The following THSD4 variants were observed in gnomAD, a reference collection of about 807,000 sequenced individuals.
The protein encoded by THSD4 is thrombospondin type 1 domain containing 4, also known as thrombospondin type-1 domain-containing protein 4.
Under a neutral mutation model 119.0 loss-of-function variants are expected in THSD4, and 69 were observed. The observed-to-expected ratio is 0.58, with a 90% CI of 0.48 to 0.71. THSD4 has a LOEUF of 0.71. Ranked by LOEUF, THSD4 falls within the 30% of genes least tolerant of loss-of-function variation. THSD4 has a pLI of 0.00. For missense variants in THSD4, 1,393 were observed against 1,391.1 expected, an observed-to-expected ratio of 1.00 and a Z score of -0.02; for synonymous variants, 524 against 540.4, an observed-to-expected ratio of 0.97 and a Z score of 0.42.
At chr15:71,705,645 A>AG (rs1487310856) in intron 8 of THSD4, among the ~76,000 whole-genome samples, 1 of 152,204 alleles carries the variant, frequency 6.6e-6, no homozygotes, top group African/African-American at 2.4e-5. Flanking sequence ...GCCCTGTGTC[A>AG]GGACAGCAGC....
rs565671502 is a variant in THSD4 at position 71,661,428 on chromosome 15, C to G, written c.1357+694C>G. ...TTTTTTTTTTTGAGACAGAATCTTG[C>G]CCTGTCACCCAGGTTCGAGTGCAGT... On this transcript the variant is annotated intron_variant, in intron 8 of 17. Transcript: ENST00000261862. Among the ~76,000 whole-genome samples, 3 of 151,096 alleles carry G rather than the reference C, an allele frequency of 2.0e-5. No homozygotes were observed. The South Asian group carries it at 6.3e-4, about 32-fold the overall frequency.
At chr15:71,410,351 TGA>T (rs1176252512) in intron 6 of THSD4, among the ~76,000 whole-genome samples, 1 of 152,076 alleles carries the variant, frequency 6.6e-6, no homozygotes, top group Non-Finnish European at 1.5e-5. Flanking sequence ...CACATCAACC[TGA>T]GAGGGGGCAG....
intron 1 of THSD4, among the ~76,000 whole-genome samples, chr15:71,123,971 C>G (rs190643963): frequency 6.6e-6 from 1 of 152,338 alleles, no homozygotes; most frequent in Non-Finnish European, 1.5e-5. Flanking sequence ...AGTGGGCTCA[C>G]TCATAAATTA....
At chr15:71,199,536 T>G (rs552443580) in intron 3 of THSD4, among the ~76,000 whole-genome samples, 85 of 94,062 alleles carry the variant, frequency 9.0e-4, no homozygotes, top group African/African-American at 3.8e-3. Context: ...GGGTGTGTGG[T>G]GTGTGTATGT....
At chr15:71,104,386 A>G (rs975298886) in intron 1 of THSD4, among the ~76,000 whole-genome samples, 2 of 152,148 alleles carry the variant, frequency 1.3e-5, no homozygotes, top group Non-Finnish European at 2.9e-5. Flanking sequence ...AAGTTCTCCA[A>G]TTCTGCTCCC....
intron 7 of THSD4, among the ~76,000 whole-genome samples, chr15:71,639,388 C>T (rs917992235): frequency 1.3e-5 from 2 of 152,114 alleles, no homozygotes; most frequent in African/African-American, 4.8e-5. Flanking sequence ...ATGTAAAATG[C>T]CCCCATTTGC....
intron 7 of THSD4, among the ~76,000 whole-genome samples, chr15:71,546,316 C>A (rs541337806): frequency 6.6e-6 from 1 of 152,172 alleles, no homozygotes; most frequent in South Asian, 2.1e-4. Context: ...ACCTTGAGCC[C>A]ACTCTAGGCA....
chr15:71,652,398 C>T (rs1212698489), intron 7 of THSD4, among the ~76,000 whole-genome samples: 1 of 152,138 alleles, frequency 6.6e-6, no homozygotes. Flanking sequence ...TTCTAGTATT[C>T]TATACAAAAA....
At chr15:71,266,937 A>C (rs2044471440) in intron 6 of THSD4, among the ~76,000 whole-genome samples, 1 of 152,056 alleles carries the variant, frequency 6.6e-6, no homozygotes, top group Non-Finnish European at 1.5e-5. Flanking sequence ...GGAATGAACA[A>C]AGCCTCCAAG....
chr15:71,699,714 T>C (rs1393621081), intron 8 of THSD4, among the ~76,000 whole-genome samples: 1 of 152,170 alleles, frequency 6.6e-6, no homozygotes, highest in East Asian at 1.9e-4. Flanking sequence ...GGGTTTTCTA[T>C]ATTAATATGA....
chr15:71,330,087 G>GAA (rs58866556), intron 6 of THSD4, among the ~76,000 whole-genome samples: 5,309 of 130,816 alleles, frequency 0.041, 334 homozygotes, highest in African/African-American at 0.14. Context: ...GTCTCCAAAG[G>GAA]AAAAAAAAAA....
intron 3 of THSD4, among the ~76,000 whole-genome samples, chr15:71,204,838 G>T (rs116949013): frequency 1.3e-5 from 2 of 152,104 alleles, no homozygotes; most frequent in Non-Finnish European, 2.9e-5. Flanking sequence ...TCCTTGTCTC[G>T]TATGAGAAAT....
intron 7 of THSD4, among the ~76,000 whole-genome samples, chr15:71,656,233 T>C (rs956059224): frequency 6.6e-6 from 1 of 152,170 alleles, no homozygotes; most frequent in African/African-American, 2.4e-5. Flanking sequence ...TTAATAGTAG[T>C]ATACTGCTGT....
chr15:71,109,034 A>C (rs2040286351), intron 1 of THSD4, among the ~76,000 whole-genome samples: 2 of 152,166 alleles, frequency 1.3e-5, no homozygotes, highest in Admixed American at 1.3e-4. Context: ...AAAAAAACAA[A>C]AAGAGAAAAT....
intron 6 of THSD4, among the ~76,000 whole-genome samples, chr15:71,311,774 G>A (rs2045114345): frequency 6.6e-6 from 1 of 152,196 alleles, no homozygotes; most frequent in African/African-American, 2.4e-5. Flanking sequence ...ATCCTGAAGA[G>A]CGGCCTTTCT....
chr15:71,608,892 C>T (rs576044462), intron 7 of THSD4, among the ~76,000 whole-genome samples: 4 of 152,294 alleles, frequency 2.6e-5, no homozygotes, highest in Admixed American at 6.5e-5. Flanking sequence ...TGATTTCACA[C>T]GCCCCATTTC....
intron 7 of THSD4, among the ~76,000 whole-genome samples, chr15:71,572,459 C>G (rs915609964): frequency 6.6e-5 from 10 of 152,160 alleles, no homozygotes; most frequent in Admixed American, 2.6e-4. Flanking sequence ...TTCTTCCCTG[C>G]ATGCTGGGAA....
At position 71,750,068 on chromosome 15, in the gene THSD4, C is replaced by T. The variant is rs1014382120; in HGVS notation, c.2415+1474C>T. On this transcript the variant is annotated intron_variant, in intron 14 of 17. Transcript: ENST00000261862. ...TAATAGGTTCCCAGGGTCTCTGAGG[C>T]CACTGGTCCAAGGACCACACTCTGA... is the stretch of plus-strand genomic sequence containing the variant. 1.6e-4 allele frequency among the ~76,000 whole-genome samples: 25 copies of T among 152,100 alleles called. 1 individual carries two copies. Among genetic ancestry groups the T allele is most frequent in the African/African-American group, 6.0e-4 (25 of 41,420 alleles).
intron 8 of THSD4, among the ~76,000 whole-genome samples, chr15:71,686,804 T>G (rs2051920980): frequency 6.6e-6 from 1 of 152,208 alleles, no homozygotes; most frequent in Non-Finnish European, 1.5e-5. Context: ...CTGTCACAAC[T>G]ACTCAACTCT....
Sources: gnomAD v4.1 joint callset for allele counts (sites outside exome capture counted in the v4.1 genomes callset) on GRCh38, gnomAD v4.1.1 for gene constraint, MANE v1.5 for transcripts, NCBI Gene and HGNC (gene_info 2026-07-23, HGNC 2026-07-21) for gene names.